SV2C: variants seen among roughly 807,000 people sequenced by gnomAD.
SV2C encodes synaptic vesicle glycoprotein 2C.
SV2C carries 49 observed loss-of-function variants against 79.7 expected under a neutral mutation model. The observed-to-expected ratio is 0.61, with a 90% CI of 0.49 to 0.78. The LOEUF is 0.78. Among genes scored for constraint, SV2C ranks in the 30% least tolerant of loss-of-function variants. The pLI, the probability that SV2C is intolerant of heterozygous loss-of-function variation, is 0.00. For missense variants in SV2C, 833 were observed against 912.9 expected, an observed-to-expected ratio of 0.91 and a Z score of 1.13; for synonymous variants, 334 against 333.2, an observed-to-expected ratio of 1.00 and a Z score of -0.03.
the SV2C span, among the ~76,000 whole-genome samples, chr5:75,976,220 C>T: frequency 6.6e-6 from 1 of 152,178 alleles, no homozygotes; most frequent in Non-Finnish European, 1.5e-5. Flanking sequence ...CCAGTCTGCT[C>T]ATTTTCTCTA....
At chr5:75,862,258 A>T in the SV2C span, among the ~76,000 whole-genome samples, 1 of 152,084 alleles carries the variant, frequency 6.6e-6, no homozygotes, top group Non-Finnish European at 1.5e-5. Flanking sequence ...CTTAACCACC[A>T]TTGTTAATTT....
chr5:76,044,846 T>A, the SV2C span, among the ~76,000 whole-genome samples: 2 of 152,220 alleles, frequency 1.3e-5, no homozygotes, highest in African/African-American at 4.8e-5. Flanking sequence ...TTGCAAAACT[T>A]TTCTTCCATT....
chr5:76,020,397 T>C, the SV2C span, among the ~76,000 whole-genome samples: 1 of 152,206 alleles, frequency 6.6e-6, no homozygotes, highest in Non-Finnish European at 1.5e-5. Flanking sequence ...GAGAGTTCTA[T>C]TACAGTCATT....
the SV2C span, among the ~76,000 whole-genome samples, chr5:76,062,081 C>T: frequency 6.6e-6 from 1 of 151,880 alleles, no homozygotes; most frequent in African/African-American, 2.4e-5. Flanking sequence ...ATTAAACCTG[C>T]TGCCATTTCA....
intron 3 of SV2C, among the ~76,000 whole-genome samples, chr5:76,196,342 G>A (rs1369631088): frequency 2.0e-5 from 3 of 152,064 alleles, no homozygotes; most frequent in Admixed American, 6.6e-5. Context: ...AAAATATTTT[G>A]TTCTTGGGGA....
At chr5:76,220,617 T>TAAAA (rs5868813) in intron 4 of SV2C, among the ~76,000 whole-genome samples, 5 of 127,666 alleles carry the variant, frequency 3.9e-5, no homozygotes, top group East Asian at 2.3e-4. Context: ...GACACTGTCT[T>TAAAA]AAAAAAAAAA....
At chr5:76,014,846 T>C in the SV2C span, among the ~76,000 whole-genome samples, 1 of 152,192 alleles carries the variant, frequency 6.6e-6, no homozygotes, top group Non-Finnish European at 1.5e-5. Flanking sequence ...ATCTGATTGA[T>C]GTAGAAATTT....
At chr5:76,343,759 A>C (rs1749486777) in intron 12 of SV2C, among the ~76,000 whole-genome samples, 1 of 152,208 alleles carries the variant, frequency 6.6e-6, no homozygotes, top group Admixed American at 6.5e-5. Context: ...GCTGGTGCCA[A>C]ATATAGGACA....
intron 2 of SV2C, among the ~76,000 whole-genome samples, chr5:76,132,916 G>A (rs1159084094): frequency 2.0e-5 from 3 of 151,612 alleles, no homozygotes; most frequent in South Asian, 4.2e-4. Flanking sequence ...TTTTCAAGCT[G>A]TGTAACTTTG....
chr5:76,249,497 G>A (rs1746047972), intron 4 of SV2C, among the ~76,000 whole-genome samples: 1 of 152,158 alleles, frequency 6.6e-6, no homozygotes, highest in Admixed American at 6.5e-5. Flanking sequence ...GGAAAATATT[G>A]TAGCACTGTA....
In SV2C at chr5:76,300,917, C is replaced by T. The variant is rs756743267; in HGVS notation, c.1825C>T (p.Arg609Cys). 7.1e-5 allele frequency: 115 copies of T among 1,613,916 alleles called. No homozygotes were observed. The highest frequency in any genetic ancestry group is 1.2e-4 in the Admixed American group (7 of 59,986). The change falls in exon 11 of 13, where the codon CGC becomes TGC. Residue 609 changes from arginine to cysteine, a missense_variant. Transcript: ENST00000502798. Reference protein sequence around the residue: ...VSALLMDRIGRLTMLGGSMVL... With the variant: ...VSALLMDRIGCLTMLGGSMVL... Reference sequence around the variant, plus strand: ...TGCTCTGCTGATGGACAGAATTGGGCGCTTAACAATGCTAGGTATGTACTC... The same window carrying T: ...TGCTCTGCTGATGGACAGAATTGGGTGCTTAACAATGCTAGGTATGTACTC...
At chr5:76,171,672 C>A (rs1341610461) in intron 2 of SV2C, among the ~76,000 whole-genome samples, 2 of 135,686 alleles carry the variant, frequency 1.5e-5, no homozygotes, top group Non-Finnish European at 3.3e-5. Context: ...GGGGGTCAGC[C>A]CCCCCGCCCG....
At chr5:76,318,693 T>G (rs996474352) in intron 12 of SV2C, among the ~76,000 whole-genome samples, 3 of 152,196 alleles carry the variant, frequency 2.0e-5, no homozygotes, top group African/African-American at 7.2e-5. Flanking sequence ...ATAATTTACA[T>G]TTAAAAATTT....
At chr5:76,105,229 C>T (rs1292354301) in intron 1 of SV2C, among the ~76,000 whole-genome samples, 1 of 152,188 alleles carries the variant, frequency 6.6e-6, no homozygotes, top group Non-Finnish European at 1.5e-5. Context: ...TAGATTCCTC[C>T]TCAAAGCCTC....
intron 4 of SV2C, among the ~76,000 whole-genome samples, chr5:76,225,562 G>A (rs1745211070): frequency 6.6e-6 from 1 of 152,156 alleles, no homozygotes; most frequent in Admixed American, 6.5e-5. Context: ...TTAGAACAGA[G>A]TGAAGTGGTT....
At chr5:75,997,783 C>A in the SV2C span, among the ~76,000 whole-genome samples, 4 of 152,136 alleles carry the variant, frequency 2.6e-5, no homozygotes, top group Non-Finnish European at 5.9e-5. Flanking sequence ...GTTAGTGTGG[C>A]AATTCCTCAG....
At chr5:76,089,708 A>G (rs963355257) in intron 1 of SV2C, among the ~76,000 whole-genome samples, 2 of 152,146 alleles carry the variant, frequency 1.3e-5, no homozygotes, top group African/African-American at 2.4e-5. Flanking sequence ...TTGATTTTTT[A>G]ATAATCACCA....
At chr5:76,264,836 T>A (rs1465716264) in intron 4 of SV2C, among the ~76,000 whole-genome samples, 1 of 152,214 alleles carries the variant, frequency 6.6e-6, no homozygotes, top group Non-Finnish European at 1.5e-5. Flanking sequence ...ACCAGCCTGA[T>A]GCCAGCTGGA....
intron 1 of SV2C, among the ~76,000 whole-genome samples, chr5:76,107,620 T>C (rs535272136): frequency 1.3e-5 from 2 of 152,274 alleles, no homozygotes; most frequent in South Asian, 4.1e-4. Context: ...TCCTAGCAGT[T>C]TGGGAGGCCA....
Sources: allele counts gnomAD v4.1 joint callset (sites outside exome capture counted in the v4.1 genomes callset), GRCh38; gene constraint gnomAD v4.1.1; transcripts MANE v1.5; gene names NCBI Gene and HGNC (gene_info 2026-07-23, HGNC 2026-07-21).